HYDIN: variants seen among roughly 807,000 people sequenced by gnomAD.
The protein encoded by HYDIN is HYDIN axonemal central pair apparatus protein, also known as axonemal central pair apparatus protein HYDIN.
Under a neutral mutation model 403.9 loss-of-function variants are expected in HYDIN, and 132 were observed. That is an observed-to-expected ratio of 0.33 (90% CI 0.28 to 0.38). HYDIN has a LOEUF of 0.38. HYDIN is among the 10% of genes least tolerant of loss of function. HYDIN has a pLI of 1.00. For synonymous variants in HYDIN, 1,202 were observed against 1,891.7 expected (o/e 0.64, Z 9.46); for missense variants, 2,827 against 5,009.5 (o/e 0.56, Z 13.15).
At chr16:70,985,371 A>T (rs1354775875) in intron 27 of HYDIN, 49 bp from the exon 28 acceptor site, 1 of 1,038,296 alleles carries the variant, frequency 9.6e-7, no homozygotes, top group Non-Finnish European at 1.4e-6. Context: ...TGCGGCTTTG[A>T]TAGTGACAAA....
chr16:70,939,334 C>T (rs191315999), intron 43 of HYDIN, among the ~76,000 whole-genome samples: 563 of 152,322 alleles, frequency 3.7e-3, no homozygotes, highest in African/African-American at 0.012. Flanking sequence ...CCAGCTGCCT[C>T]GTTTTCCAGA....
intron 8 of HYDIN, among the ~76,000 whole-genome samples, chr16:71,134,819 A>G (rs2084852072): frequency 6.6e-6 from 1 of 152,214 alleles, no homozygotes; most frequent in South Asian, 2.1e-4. Context: ...TCTTATTATT[A>G]TGCTTGGGCT....
Position 70,892,499 on chromosome 16 carries a change from T to C in HYDIN, c.9279A>G (p.Thr3093=), listed in dbSNP as rs1473405926. The C allele has an allele frequency of 1.2e-6, 2 of 1,603,696 alleles. No homozygotes were observed. Among genetic ancestry groups the C allele is most frequent in the East Asian group, 2.2e-5 (1 of 44,800 alleles). The stretch of plus-strand genomic sequence containing the variant: ...CTGAGATCATGGAATTTATATTAGG[T>C]GTTGAAATCCCTACAGAGTCCACGG... ...SFSVDSVGIS[T]PNINSMISVQ... Residue 3093 remains threonine, a synonymous_variant, in exon 56 of 86, where the codon ACA becomes ACG. Transcript: ENST00000393567.
intron 1 of HYDIN, among the ~76,000 whole-genome samples, chr16:71,205,355 A>G (rs1008560369): frequency 1.3e-5 from 2 of 152,224 alleles, no homozygotes; most frequent in Non-Finnish European, 2.9e-5. Flanking sequence ...GGAAAGGGGA[A>G]GTGAGTGAGA....
In HYDIN at chr16:71,087,062, G is replaced by A. The variant is rs535485632; in HGVS notation, c.1670+1239C>T. 7.3e-5 allele frequency among the ~76,000 whole-genome samples: 11 copies of A among 151,682 alleles called. No homozygotes were observed. In the East Asian group the frequency reaches 9.7e-4, roughly 13 times the overall value. The stretch of plus-strand genomic sequence containing the variant: ...TTTTTCTCTTATAACAAACACACAT[G>A]TATTATGGAAGAGAACGTAAATGTC... On this transcript the variant is annotated intron_variant, in intron 12 of 85. Coordinates refer to ENST00000393567, the MANE Select transcript of HYDIN (RefSeq NM_001270974.2).
At chr16:70,944,181 C>G (rs2077774830) in intron 41 of HYDIN, among the ~76,000 whole-genome samples, 1 of 152,226 alleles carries the variant, frequency 6.6e-6, no homozygotes, top group Admixed American at 6.5e-5. Context: ...CTGCACGCAG[C>G]TTTTCATTCA....
Position 71,092,982 on chromosome 16 carries a change from TA to T in HYDIN, c.1446+834del, listed in dbSNP as rs528714007. On this transcript the variant is annotated intron_variant, in intron 11 of 85. Coordinates refer to ENST00000393567, the MANE Select transcript of HYDIN (RefSeq NM_001270974.2). ...CGATCCACATTTCTCATATGCAAAA[TA>T]GATGTAATAAAGCCTAACTTTCACA... Among the ~76,000 whole-genome samples, 4 of 146,228 alleles carry T rather than the reference TA, an allele frequency of 2.7e-5. No individual in the cohort carries two copies. In the South Asian group the frequency reaches 9.0e-4, roughly 33 times the overall value.
At chr16:71,051,988 A>G (rs1457959742) in intron 18 of HYDIN, among the ~76,000 whole-genome samples, 4 of 152,272 alleles carry the variant, frequency 2.6e-5, no homozygotes, top group East Asian at 1.9e-4. Flanking sequence ...AAGGAAGTGT[A>G]AGACCTTTAT....
chr16:71,165,422 C>G (rs1198219327), intron 5 of HYDIN, among the ~76,000 whole-genome samples: 1 of 151,702 alleles, frequency 6.6e-6, no homozygotes. Context: ...GGAACTCTCC[C>G]TCTCCTGCCC....
At chr16:71,084,903 A>AT (rs1226070426) in intron 12 of HYDIN, among the ~76,000 whole-genome samples, 1 of 151,264 alleles carries the variant, frequency 6.6e-6, no homozygotes, top group East Asian at 2.0e-4. Context: ...TATTACATTG[A>AT]TTGATTTTCT....
At position 70,807,605 on chromosome 16, in the gene HYDIN, T is replaced by C; in HGVS notation, c.15341A>G (p.Tyr5114Cys). The change falls in exon 86 of 86, where the codon TAT becomes TGT. Residue 5114 changes from tyrosine (Y) to cysteine (C), a missense_variant. Coordinates refer to ENST00000393567, the MANE Select transcript of HYDIN (RefSeq NM_001270974.2). ...CTAAAGGGTGATCCCCTTCAGATAA[T>C]AAACCCATTTAACTCCAGTCTCACT... ...EGSETGVKWV[Y>C]YLKGITL 1 of 1,613,608 alleles carries C rather than the reference T, an allele frequency of 6.2e-7. No homozygotes were observed. The highest frequency in any genetic ancestry group is 8.5e-7 in the Non-Finnish European group (1 of 1,179,700).
chr16:70,916,491 T>C (rs1028079271), intron 47 of HYDIN, among the ~76,000 whole-genome samples: 30 of 152,094 alleles, frequency 2.0e-4, no homozygotes, highest in Non-Finnish European at 4.0e-4. Flanking sequence ...TCACAGTATT[T>C]GGGGTGTCTC....
intron 18 of HYDIN, among the ~76,000 whole-genome samples, chr16:71,052,165 C>T (rs1264975982): frequency 3.3e-5 from 5 of 152,186 alleles, no homozygotes; most frequent in Admixed American, 6.5e-5. Flanking sequence ...TAAAATCTAC[C>T]TAATCAAGCT....
chr16:71,173,813 C>G (rs1406839889), intron 5 of HYDIN, among the ~76,000 whole-genome samples: 3 of 152,138 alleles, frequency 2.0e-5, no homozygotes, highest in Non-Finnish European at 4.4e-5. Context: ...TCTTGTGTAT[C>G]CCTTTTTCAG....
chr16:70,888,514 GGTGA>G (rs112639318), intron 58 of HYDIN, among the ~76,000 whole-genome samples: 6 of 152,074 alleles, frequency 3.9e-5, no homozygotes, highest in African/African-American at 1.5e-4. Context: ...GGTGGGGATT[GGTGA>G]GTGCCTGTTA....
At chr16:70,931,747 G>T (rs1405986224) in intron 45 of HYDIN, among the ~76,000 whole-genome samples, 1 of 152,190 alleles carries the variant, frequency 6.6e-6, no homozygotes, top group Admixed American at 6.5e-5. Flanking sequence ...GGGTGTGGTG[G>T]CTCATGCCTG....
chr16:71,204,955 A>C (rs2088216377), intron 1 of HYDIN, among the ~76,000 whole-genome samples: 1 of 152,236 alleles, frequency 6.6e-6, no homozygotes, highest in African/African-American at 2.4e-5. Flanking sequence ...TAATCTCCTT[A>C]AAGAGCTGTC....
intron 4 of HYDIN, among the ~76,000 whole-genome samples, chr16:71,178,690 G>C: frequency 6.6e-6 from 1 of 152,010 alleles, no homozygotes; most frequent in East Asian, 1.9e-4. Flanking sequence ...ATCAACAAAA[G>C]TTAGTGCACA....
intron 75 of HYDIN, among the ~76,000 whole-genome samples, chr16:70,841,377 G>C (rs2037808606): frequency 6.6e-6 from 1 of 152,068 alleles, no homozygotes; most frequent in South Asian, 2.1e-4. Flanking sequence ...GTTCTCAAAA[G>C]GAATAGGTCC....
Sources: allele counts gnomAD v4.1 joint callset (sites outside exome capture counted in the v4.1 genomes callset), GRCh38; gene constraint gnomAD v4.1.1; transcripts MANE v1.5; gene names NCBI Gene and HGNC (gene_info 2026-07-23, HGNC 2026-07-21).